The following LIN52 variants were observed in gnomAD, a reference collection of about 807,000 sequenced individuals.
The protein encoded by LIN52 is protein lin-52 homolog.
LIN52 carries 4 observed loss-of-function variants against 18.5 expected under a neutral mutation model. The observed-to-expected ratio is 0.22, with a 90% CI of 0.11 to 0.49. The LOEUF is 0.49. Among genes scored for constraint, LIN52 ranks in the 20% least tolerant of loss-of-function variants. The probability of loss-of-function intolerance (pLI) is 0.97; values close to 1 mark genes in which losing one functional copy is unlikely to be tolerated. For synonymous variants in LIN52, 34 were observed against 45.5 expected (o/e 0.75, Z 1.02); for missense variants, 102 against 139.5 (o/e 0.73, Z 1.35).
intron 5 of LIN52, among the ~76,000 whole-genome samples, chr14:74,168,251 T>C (rs977163064): frequency 1.3e-5 from 2 of 152,256 alleles, no homozygotes; most frequent in African/African-American, 2.4e-5. Flanking sequence ...AATTGCACCA[T>C]TGTTTATAAT....
chr14:74,197,504 A>G (rs2078921375), intron 5 of LIN52, among the ~76,000 whole-genome samples: 1 of 152,174 alleles, frequency 6.6e-6, no homozygotes, highest in Non-Finnish European at 1.5e-5. Flanking sequence ...ATTTTAGTGG[A>G]GGAAGACAAC....
At chr14:74,152,830 C>G (rs141716535) in intron 5 of LIN52, among the ~76,000 whole-genome samples, 7 of 151,970 alleles carry the variant, frequency 4.6e-5, no homozygotes, top group African/African-American at 1.7e-4. Context: ...CGTGGTGGCA[C>G]ATGCCTGTAA....
intron 5 of LIN52, among the ~76,000 whole-genome samples, chr14:74,138,769 C>A (rs1262437028): frequency 5.4e-3 from 612 of 113,410 alleles, no homozygotes; most frequent in East Asian, 6.2e-3. Flanking sequence ...GACCCTGCCT[C>A]AAAAAAAAAA....
chr14:74,127,868 C>T (rs972412247), intron 5 of LIN52, among the ~76,000 whole-genome samples: 4 of 151,992 alleles, frequency 2.6e-5, no homozygotes, highest in Admixed American at 1.3e-4. Flanking sequence ...TGAACCACCA[C>T]GCCTGTCTGG....
intron 5 of LIN52, among the ~76,000 whole-genome samples, chr14:74,151,264 A>T (rs10146618): frequency 0.78 from 118,048 of 152,158 alleles, 46,117 homozygotes; most frequent in Admixed American, 0.81. Context: ...TTTTTTCCAT[A>T]TGTGGTATTA....
rs1378396366 is a variant in LIN52 at position 74,157,775 on chromosome 14, C to T, written c.284-41147C>T. Among the ~76,000 whole-genome samples, 11 of 152,088 alleles carry T rather than the reference C, an allele frequency of 7.2e-5. No individual in the cohort carries two copies. The East Asian group carries it at 2.1e-3, about 29-fold the overall frequency. ...TCCTACAAGATAACATTCAAATTCT[C>T]AGGCTTTCACAAAGTGCCTTCCTGA... On this transcript the variant is annotated intron_variant, in intron 5 of 5. Coordinates refer to ENST00000555028, the MANE Select transcript of LIN52 (RefSeq NM_001024674.3).
At chr14:74,130,278 G>GTTTTTTTTTTTTTTTTTGTTTTTTTTTTT (rs2061055498) in intron 5 of LIN52, among the ~76,000 whole-genome samples, 1 of 64,842 alleles carries the variant, frequency 1.5e-5, no homozygotes, top group African/African-American at 6.3e-5. Flanking sequence ...GCATTTTTTG[G>GTTTTTTTTTTTTTTTTTGTTTTTTTTTTT]TTTTTTTTTT....
intron 5 of LIN52, among the ~76,000 whole-genome samples, chr14:74,139,540 T>C (rs1257056787): frequency 6.6e-6 from 1 of 152,202 alleles, no homozygotes; most frequent in Non-Finnish European, 1.5e-5. Flanking sequence ...CAGACCTTTT[T>C]TTTTCCCCCT....
intron 5 of LIN52, among the ~76,000 whole-genome samples, chr14:74,195,834 G>A (rs2078909302): frequency 6.6e-6 from 1 of 152,172 alleles, no homozygotes; most frequent in African/African-American, 2.4e-5. Context: ...CTGCAGCAGA[G>A]CAAGGATAAA....
At chr14:74,135,464 A>G (rs1379410453) in intron 5 of LIN52, among the ~76,000 whole-genome samples, 1 of 152,158 alleles carries the variant, frequency 6.6e-6, no homozygotes, top group Non-Finnish European at 1.5e-5. Flanking sequence ...CACAAGTCCA[A>G]ATAATATACT....
intron 5 of LIN52, among the ~76,000 whole-genome samples, chr14:74,104,713 G>T (rs1368513702): frequency 6.7e-6 from 1 of 148,248 alleles, no homozygotes; most frequent in Non-Finnish European, 1.5e-5. Context: ...TAACTATCAG[G>T]AAATAAAAAG....
intron 5 of LIN52, among the ~76,000 whole-genome samples, chr14:74,119,918 G>GAGC (rs1277502980): frequency 6.7e-6 from 1 of 149,498 alleles, no homozygotes; most frequent in African/African-American, 2.5e-5. Context: ...TCACTGCAAT[G>GAGC]TCTACCTCCT....
At chr14:74,151,719 G>T (rs999339827) in intron 5 of LIN52, among the ~76,000 whole-genome samples, 3 of 152,190 alleles carry the variant, frequency 2.0e-5, no homozygotes, top group African/African-American at 7.2e-5. Context: ...TTATCAGCCA[G>T]TTAAAAGGAC....
rs71460958 is a variant in LIN52 at position 74,130,278 on chromosome 14, G to GTTTTTTTTTTTTTTTTTTTTTTTTTTTTT, written c.283+29058_283+29059insTTTTTTTTTTTTTTTTTTTTTTTTTTTTT. 1.7e-3 allele frequency among the ~76,000 whole-genome samples: 109 copies of GTTTTTTTTTTTTTTTTTTTTTTTTTTTTT among 64,796 alleles called. 18 individuals carry two copies. The highest frequency in any genetic ancestry group is 2.3e-3 in the African/African-American group (37 of 15,872). 42.5% of individuals were successfully genotyped at this position (64,796 alleles called of 152,430 possible). A position where few individuals can be genotyped will look rare whatever the true frequency, so the allele number is the denominator to read the frequency against. On this transcript the variant is annotated intron_variant, in intron 5 of 5. Coordinates refer to ENST00000555028, the MANE Select transcript of LIN52 (RefSeq NM_001024674.3). ...GAATTTATTAGATAGGCATTTTTTG[G>GTTTTTTTTTTTTTTTTTTTTTTTTTTTTT]TTTTTTTTTTTTTTTTTTGAGACAG...
chr14:74,133,247 C>T (rs759176045), intron 5 of LIN52, among the ~76,000 whole-genome samples: 1 of 152,210 alleles, frequency 6.6e-6, no homozygotes, highest in Non-Finnish European at 1.5e-5. Flanking sequence ...TTAAAACCTG[C>T]TAGTCGCATC....
At chr14:74,150,214 A>T (rs530779559) in intron 5 of LIN52, among the ~76,000 whole-genome samples, 1 of 152,330 alleles carries the variant, frequency 6.6e-6, no homozygotes, top group East Asian at 1.9e-4. Context: ...ATACATACAA[A>T]AATGTTTGGA....
intron 5 of LIN52, among the ~76,000 whole-genome samples, chr14:74,133,338 G>A (rs1489305118): frequency 6.6e-6 from 1 of 152,150 alleles, no homozygotes; most frequent in African/African-American, 2.4e-5. Context: ...TTTGTTAAAA[G>A]CCTTCTAGAA....
intron 5 of LIN52, among the ~76,000 whole-genome samples, chr14:74,162,019 C>T (rs776674572): frequency 1.3e-5 from 2 of 151,968 alleles, no homozygotes; most frequent in East Asian, 1.9e-4. Flanking sequence ...AGTTAGGAAG[C>T]GAGAGACAGT....
At chr14:74,184,297 G>A (rs541974019) in intron 5 of LIN52, among the ~76,000 whole-genome samples, 21 of 152,320 alleles carry the variant, frequency 1.4e-4, no homozygotes, top group African/African-American at 4.8e-4. Context: ...CCTGGGCTGC[G>A]CTCAAGCGAT....
Sources: allele counts gnomAD v4.1 joint callset (sites outside exome capture counted in the v4.1 genomes callset), GRCh38; gene constraint gnomAD v4.1.1; transcripts MANE v1.5; gene names NCBI Gene and HGNC (gene_info 2026-07-23, HGNC 2026-07-21).